C12orf54: variants seen among roughly 807,000 people sequenced by gnomAD.
C12orf54 encodes chromosome 12 open reading frame 54.
C12orf54 carries 24 observed loss-of-function variants against 26.4 expected under a neutral mutation model. The ratio of observed to expected loss-of-function variants is 0.91; its 90% CI spans 0.66 to 1.28. The LOEUF (loss-of-function observed/expected upper bound fraction) is 1.28. Among genes scored for constraint, C12orf54 ranks in the 50% most tolerant of loss-of-function variants. C12orf54 has a pLI of 0.00. For missense variants in C12orf54, 154 were observed against 150.9 expected (o/e 1.02, Z -0.11); for synonymous variants, 54 against 47.0 (o/e 1.15, Z -0.61).
chr12:48,427,821 CT>C, the C12orf54 span, among the ~76,000 whole-genome samples: 1 of 151,998 alleles, frequency 6.6e-6, no homozygotes, highest in African/African-American at 2.4e-5. Context: ...AACAAATGAA[CT>C]TAACAGGTGT....
the C12orf54 span, among the ~76,000 whole-genome samples, chr12:48,423,322 G>A: frequency 6.6e-6 from 1 of 152,012 alleles, no homozygotes; most frequent in African/African-American, 2.4e-5. Flanking sequence ...AGTTGATAGA[G>A]AAATAATAGA....
the C12orf54 span, among the ~76,000 whole-genome samples, chr12:48,435,986 C>T: frequency 1.3e-5 from 2 of 152,000 alleles, no homozygotes; most frequent in South Asian, 2.1e-4. Flanking sequence ...GAGTCAAGAC[C>T]CATCAGTGTG....
At chr12:48,427,962 A>G in the C12orf54 span, among the ~76,000 whole-genome samples, 1 of 152,126 alleles carries the variant, frequency 6.6e-6, no homozygotes, top group Non-Finnish European at 1.5e-5. Flanking sequence ...TTGAAATTAT[A>G]TCAAACTCTC....
the C12orf54 span, among the ~76,000 whole-genome samples, chr12:48,474,774 A>G: frequency 1.3e-5 from 2 of 152,260 alleles, no homozygotes; most frequent in African/African-American, 4.8e-5. Context: ...GGAGCCCACC[A>G]CAGCTCAAGG....
In C12orf54 at chr12:48,490,788, G is replaced by A. The variant is rs571217680; in HGVS notation, c.169-24G>A. 7 of 1,613,148 alleles carry A rather than the reference G, an allele frequency of 4.3e-6. No homozygotes were observed. In the African/African-American group the frequency reaches 6.7e-5, roughly 15 times the overall value. On this transcript the variant is annotated intron_variant, in intron 5 of 8. Coordinates refer to ENST00000548364, the MANE Select transcript of C12orf54 (RefSeq NM_152319.4). ...CAGGAGACCAGCCCCCATCATCTCT[G>A]ACTGTATTCTCATTATTTTTCAGCT...
At chr12:48,478,392 G>A (rs995563463), upstream of C12orf54, among the ~76,000 whole-genome samples, 1 of 152,122 alleles carries the variant, frequency 6.6e-6, no homozygotes. Flanking sequence ...TGGAAGTTCT[G>A]GCCAGGGCAA....
At chr12:48,426,291 T>A in the C12orf54 span, among the ~76,000 whole-genome samples, 1 of 151,804 alleles carries the variant, frequency 6.6e-6, no homozygotes, top group African/African-American at 2.4e-5. Context: ...CCAGTTTCAA[T>A]CATTTGCATA....
At chr12:48,435,300 C>A in the C12orf54 span, among the ~76,000 whole-genome samples, 4 of 152,154 alleles carry the variant, frequency 2.6e-5, no homozygotes, top group African/African-American at 9.7e-5. Context: ...GTACCTGAAA[C>A]TGATGGGGAG....
the C12orf54 span, among the ~76,000 whole-genome samples, chr12:48,456,185 C>G: frequency 6.6e-6 from 1 of 152,122 alleles, no homozygotes; most frequent in East Asian, 1.9e-4. Flanking sequence ...GTTTTCCAGG[C>G]ACTGTATTGG....
At chr12:48,414,015 G>A in the C12orf54 span, among the ~76,000 whole-genome samples, 1 of 152,142 alleles carries the variant, frequency 6.6e-6, no homozygotes, top group African/African-American at 2.4e-5. Flanking sequence ...TATTCCAAAG[G>A]AATCTTAGCC....
chr12:48,488,302 G>A (rs1937703410), intron 4 of C12orf54: 21 of 553,600 alleles, frequency 3.8e-5, no homozygotes, highest in South Asian at 3.3e-4. Flanking sequence ...CTTACAAGAG[G>A]GGAAGCCAAC....
At chr12:48,491,939 G>A (rs965952644) in intron 6 of C12orf54, among the ~76,000 whole-genome samples, 4 of 152,222 alleles carry the variant, frequency 2.6e-5, no homozygotes, top group African/African-American at 7.2e-5. Context: ...AGAGACTCTC[G>A]TATGGTGCCA....
the C12orf54 span, among the ~76,000 whole-genome samples, chr12:48,432,098 T>C: frequency 6.6e-6 from 1 of 152,200 alleles, no homozygotes; most frequent in Non-Finnish European, 1.5e-5. Flanking sequence ...TAATTAAGTT[T>C]TTAATACTCT....
the C12orf54 span, among the ~76,000 whole-genome samples, chr12:48,425,242 C>T: frequency 6.6e-6 from 1 of 152,092 alleles, no homozygotes; most frequent in Admixed American, 6.6e-5. Flanking sequence ...CCATCCTCCA[C>T]CCTCAAGTAG....
At chr12:48,441,046 G>A in the C12orf54 span, among the ~76,000 whole-genome samples, 4 of 152,154 alleles carry the variant, frequency 2.6e-5, no homozygotes, top group Non-Finnish European at 5.9e-5. Flanking sequence ...ATCTCCCTGA[G>A]CCAGTTTCCT....
At chr12:48,476,432 T>A in the C12orf54 span, among the ~76,000 whole-genome samples, 5 of 152,268 alleles carry the variant, frequency 3.3e-5, no homozygotes, top group South Asian at 1.0e-3. Flanking sequence ...AATGCTCCAA[T>A]TAAAAGACAC....
upstream of C12orf54, among the ~76,000 whole-genome samples, chr12:48,481,066 G>T (rs201003132): frequency 3.1e-5 from 1 of 32,574 alleles, no homozygotes; most frequent in Non-Finnish European, 6.9e-5. Flanking sequence ...GAGGGAGGGG[G>T]CAAAGATGAA....
chr12:48,449,322 G>A, the C12orf54 span, among the ~76,000 whole-genome samples: 3 of 152,148 alleles, frequency 2.0e-5, no homozygotes, highest in African/African-American at 7.2e-5. Flanking sequence ...CACAAAGGAT[G>A]GCTTCATGGG....
At chr12:48,493,290 A>G (rs531906803) in intron 7 of C12orf54, among the ~76,000 whole-genome samples, 1 of 152,330 alleles carries the variant, frequency 6.6e-6, no homozygotes, top group Admixed American at 6.5e-5. Flanking sequence ...ATAAGGGAAC[A>G]TAGAAAGAAT....
Sources: allele counts gnomAD v4.1 joint callset (sites outside exome capture counted in the v4.1 genomes callset), GRCh38; gene constraint gnomAD v4.1.1; transcripts MANE v1.5; gene names NCBI Gene and HGNC (gene_info 2026-07-23, HGNC 2026-07-21).